Variants in SDSL observed in about 807,000 individuals in gnomAD.
SDSL encodes serine dehydratase-like.
In SDSL, 26 loss-of-function variants were observed where a neutral mutation model predicts 27.6. The observed-to-expected ratio is 0.94, with a 90% CI of 0.69 to 1.31. SDSL has a LOEUF of 1.31. SDSL is among the 50% of genes most tolerant of loss of function. SDSL has a pLI of 0.00. For synonymous variants in SDSL, 196 were observed against 180.6 expected, an observed-to-expected ratio of 1.09 and a Z score of -0.69; for missense variants, 431 against 423.5, an observed-to-expected ratio of 1.02 and a Z score of -0.16.
At chr12:113,430,281 C>A (rs1002147058) in intron 4 of SDSL, among the ~76,000 whole-genome samples, 1 of 152,132 alleles carries the variant, frequency 6.6e-6, no homozygotes, top group Non-Finnish European at 1.5e-5. Context: ...CACAGGTAAC[C>A]AGATGATGGT....
intron 3 of SDSL, 39 bp from the exon 4 acceptor site, chr12:113,429,121 T>C: frequency 2.5e-6 from 4 of 1,585,740 alleles, no homozygotes; most frequent in Non-Finnish European, 3.4e-6. Flanking sequence ...CAAAGGCCAA[T>C]CAGCTCTGCC....
chr12:113,435,929 C>A (rs996944962), intron 6 of SDSL, among the ~76,000 whole-genome samples: 2 of 152,002 alleles, frequency 1.3e-5, no homozygotes, highest in African/African-American at 4.8e-5. Flanking sequence ...CCGGCCTGGC[C>A]AACATATAGT....
In SDSL at chr12:113,431,911, A is replaced by AT. The variant is rs34838365; in HGVS notation, c.355-2206dup. On this transcript the variant is annotated intron_variant, in intron 4 of 7. Transcript: ENST00000403593. ...GCTACTACAGCCACCACGCCTGGCT[A>AT]TTTTTTTTTTTTTTTTTGTATTTTT... 5.9e-3 allele frequency among the ~76,000 whole-genome samples: 774 copies of AT among 131,658 alleles called. 5 individuals are homozygous for AT. The highest frequency in any genetic ancestry group is 0.029 in the East Asian group (130 of 4,512). 86.4% of individuals were successfully genotyped at this position (131,658 alleles called of 152,430 possible).
rs367706711 is a variant in SDSL at position 113,437,941 on chromosome 12, C to T, written c.852C>T (p.Tyr284=). 4.3e-6 allele frequency: 7 copies of T among 1,613,940 alleles called. No individual in the cohort carries two copies. In the African/African-American group the frequency reaches 8.0e-5, roughly 18 times the overall value. Residue 284 remains tyrosine (Y), a synonymous_variant, in exon 8 of 8, where the codon TAC becomes TAT. Coordinates refer to ENST00000403593, the MANE Select transcript of SDSL (RefSeq NM_001304993.2). The part of the protein sequence containing the change: ...PACGAALAAI[Y]SGLLRRLQAE... ...GTGGGGCAGCCTTAGCAGCCATCTACTCAGGCCTCCTGCGGAGGCTCCAGG... is the reference window on the plus strand; with the variant it reads ...GTGGGGCAGCCTTAGCAGCCATCTATTCAGGCCTCCTGCGGAGGCTCCAGG...
At chr12:113,428,388 T>C (rs1024613195) in intron 2 of SDSL, 32 bp from the exon 3 acceptor site, 5 of 1,603,204 alleles carry the variant, frequency 3.1e-6, no homozygotes, top group Non-Finnish European at 4.3e-6. Flanking sequence ...CCTGCTTGGG[T>C]TAGCCGCTAA....
In SDSL at chr12:113,436,808, G is replaced by A; in HGVS notation, c.729G>A (p.Gln243=). 1 of 1,612,410 alleles carries A rather than the reference G, an allele frequency of 6.2e-7. No individual in the cohort carries two copies. Among genetic ancestry groups the A allele is most frequent in the South Asian group, 1.1e-5 (1 of 90,924 alleles). The part of the protein sequence containing the change: ...TVAARALECM[Q]VCKIHSEVVE... ...CCGCTCGGGCCCTGGAGTGCATGCA[G>A]GTGTGCAAGATTCACTCTGAAGTGG... The change falls in exon 7 of 8, where the codon CAG becomes CAA. Residue 243 remains glutamine (Q), a synonymous_variant. Transcript: ENST00000403593.
chr12:113,437,267 C>G (rs1958008771), intron 7 of SDSL, among the ~76,000 whole-genome samples: 1 of 152,242 alleles, frequency 6.6e-6, no homozygotes, highest in Non-Finnish European at 1.5e-5. Context: ...TATCCCTCTA[C>G]ATCACTGATG....
rs775170542 is a variant in SDSL, at chr12:113,436,856, C to A, written c.777C>A (p.Ser259Arg). The A allele has an allele frequency of 1.2e-6, 2 of 1,607,962 alleles. No homozygotes were observed. The highest frequency in any genetic ancestry group is 1.7e-6 in the Non-Finnish European group (2 of 1,178,110). The stretch of plus-strand genomic sequence containing the variant: ...TGGTGGAGGACACCGAGGCTGTGAG[C>A]GCTGTGCAGCAGCTCCTGGGTGAGT... ...SEVVEDTEAVSAVQQLLDDER... is the reference protein window; with the variant it reads ...SEVVEDTEAVRAVQQLLDDER... Residue 259 changes from serine to arginine, a missense_variant, in exon 7 of 8, where the codon AGC (serine) becomes AGA (arginine). By Grantham distance (110) the Ser-to-Arg change is moderately radical (BLOSUM62 -1). Transcript: ENST00000403593.
chr12:113,437,796 G>A, intron 7 of SDSL, 90 bp from the exon 8 acceptor site: 1 of 1,161,522 alleles, frequency 8.6e-7, no homozygotes. Flanking sequence ...TGGAGAGATG[G>A]CTGCAAGGAT....
chr12:113,435,613 A>C (rs1957981866), intron 6 of SDSL, 57 bp downstream of exon 6: 10 of 1,427,750 alleles, frequency 7.0e-6, no homozygotes, highest in Non-Finnish European at 9.7e-6. Flanking sequence ...CCACTGTCCT[A>C]GGGCCTTCCA....
In SDSL at chr12:113,424,727, TTCTC is replaced by T. The variant is rs569248111; in HGVS notation, c.-22+2262_-22+2265del. On this transcript the variant is annotated intron_variant, in intron 1 of 7. Coordinates refer to ENST00000403593, the MANE Select transcript of SDSL (RefSeq NM_001304993.2). ...GGGACTCAACAAATGACAGATGTTA[TTCTC>T]TCTCTCTCTCTTTTTTTTTTTTTAA... Among the ~76,000 whole-genome samples, 595 of 151,676 alleles carry T rather than the reference TTCTC, an allele frequency of 3.9e-3. 5 individuals are homozygous for T. The highest frequency in any genetic ancestry group is 0.014 in the African/African-American group (560 of 41,326).
intron 1 of SDSL, among the ~76,000 whole-genome samples, chr12:113,424,928 G>A (rs1206654647): frequency 6.6e-6 from 1 of 151,930 alleles, no homozygotes; most frequent in African/African-American, 2.4e-5. Context: ...TAGAGACGGG[G>A]TTTCACCATG....
chr12:113,432,631 C>T (rs552251024), intron 4 of SDSL, among the ~76,000 whole-genome samples: 2 of 152,278 alleles, frequency 1.3e-5, no homozygotes, highest in Admixed American at 6.5e-5. Context: ...TGAGCCACTG[C>T]GCCCAGCTGA....
chr12:113,425,219 C>G (rs192260269), intron 1 of SDSL, among the ~76,000 whole-genome samples: 31 of 152,214 alleles, frequency 2.0e-4, no homozygotes, highest in African/African-American at 6.7e-4. Context: ...TCTTGGGGTC[C>G]AGGGTTGAGC....
At chr12:113,425,645 C>T in intron 1 of SDSL, 1 of 455,288 alleles carries the variant, frequency 2.2e-6, no homozygotes, top group Non-Finnish European at 4.4e-6. Context: ...TTTCCTCCAT[C>T]TCTTCTTTTC....
At position 113,428,110 on chromosome 12, in the gene SDSL, C is replaced by T. The variant is rs778002654; in HGVS notation, c.128C>T (p.Pro43Leu). 7 of 1,613,490 alleles carry T rather than the reference C, an allele frequency of 4.3e-6. No homozygotes were observed. In the African/African-American group the frequency reaches 5.3e-5, roughly 12 times the overall value. The change falls in exon 2 of 8, where the codon CCC becomes CTC. Residue 43 changes from proline to leucine, a missense_variant. Transcript: ENST00000403593. ...TTCCTCAAGTGTGAGAATGTGCAGC[C>T]CAGCGGCTCCTTCAAGATTCGGGGC... is the stretch of plus-strand genomic sequence containing the variant. ...PVFLKCENVQPSGSFKIRGIG... is the reference protein window; with the variant it reads ...PVFLKCENVQLSGSFKIRGIG...
chr12:113,430,437 T>C (rs1335350573), intron 4 of SDSL, among the ~76,000 whole-genome samples: 4 of 152,120 alleles, frequency 2.6e-5, no homozygotes, highest in Non-Finnish European at 5.9e-5. Context: ...TAAGAAACAT[T>C]TGTTTCCGAT....
At chr12:113,432,722 C>A (rs1158110561) in intron 4 of SDSL, among the ~76,000 whole-genome samples, 1 of 152,184 alleles carries the variant, frequency 6.6e-6, no homozygotes, top group Non-Finnish European at 1.5e-5. Flanking sequence ...ATCTTTGTGC[C>A]CATGTTTATA....
chr12:113,426,015 CA>C (rs1565876704), intron 1 of SDSL: 2 of 383,184 alleles, frequency 5.2e-6, no homozygotes, highest in Non-Finnish European at 1.1e-5. Context: ...CCAACACCAC[CA>C]CCACCTCCAC....
Sources: gnomAD v4.1 joint callset for allele counts (sites outside exome capture counted in the v4.1 genomes callset) on GRCh38, gnomAD v4.1.1 for gene constraint, MANE v1.5 for transcripts, NCBI Gene and HGNC (gene_info 2026-07-23, HGNC 2026-07-21) for gene names.